The following NELL1 variants were observed in gnomAD, a reference collection of about 807,000 sequenced individuals.
The protein encoded by NELL1 is protein kinase C-binding protein NELL1.
NELL1 carries 76 observed loss-of-function variants against 107.4 expected under a neutral mutation model. That is an observed-to-expected ratio of 0.71 (90% CI 0.59 to 0.86). NELL1 has a LOEUF of 0.86. Ranked by LOEUF, NELL1 falls within the 40% of genes least tolerant of loss-of-function variation. The pLI, the probability that NELL1 is intolerant of heterozygous loss-of-function variation, is 0.00. For missense variants in NELL1, 1,024 were observed against 1,005.5 expected (o/e 1.02, Z -0.25); for synonymous variants, 353 against 341.2 (o/e 1.03, Z -0.38).
intron 15 of NELL1, among the ~76,000 whole-genome samples, chr11:21,504,828 G>T (rs1341589009): frequency 1.3e-5 from 2 of 152,068 alleles, no homozygotes; most frequent in African/African-American, 4.8e-5. Context: ...CTAGATCCTT[G>T]CTGCCACTCT....
chr11:20,830,023 C>T (rs1590332850), intron 3 of NELL1, among the ~76,000 whole-genome samples: 1 of 152,066 alleles, frequency 6.6e-6, no homozygotes, highest in Non-Finnish European at 1.5e-5. Flanking sequence ...CCTGTAATCC[C>T]CCCACCTTGG....
rs1330012386 is a variant in NELL1 at position 21,117,633 on chromosome 11, G to A, written c.1426+3919G>A. On this transcript the variant is annotated intron_variant, in intron 13 of 19. Transcript: ENST00000357134. ...GGATGTTCAGAACATTCTATTGGAT[G>A]TTCTAAATATAAGTGACTTAAGATA... Among the ~76,000 whole-genome samples the A allele has an allele frequency of 2.0e-5, 3 of 151,972 alleles. No homozygotes were observed. In the East Asian group the frequency reaches 5.8e-4, roughly 29 times the overall value.
intron 13 of NELL1, among the ~76,000 whole-genome samples, chr11:21,145,530 T>G (rs1173941854): frequency 6.6e-6 from 1 of 152,206 alleles, no homozygotes; most frequent in African/African-American, 2.4e-5. Flanking sequence ...AGAAAGGAAA[T>G]ACCACAATTA....
intron 12 of NELL1, among the ~76,000 whole-genome samples, chr11:21,021,142 G>C (rs1202991258): frequency 6.6e-6 from 1 of 151,670 alleles, no homozygotes; most frequent in Non-Finnish European, 1.5e-5. Context: ...GCTTGCAACT[G>C]TATTTTTATG....
chr11:20,983,966 A>G (rs1397350249), intron 12 of NELL1, among the ~76,000 whole-genome samples: 1 of 151,960 alleles, frequency 6.6e-6, no homozygotes, highest in Non-Finnish European at 1.5e-5. Context: ...TCCCTCAGTA[A>G]CATATCTTCT....
chr11:21,320,863 T>G (rs1471790086), intron 14 of NELL1, among the ~76,000 whole-genome samples: 1 of 152,224 alleles, frequency 6.6e-6, no homozygotes, highest in Non-Finnish European at 1.5e-5. Context: ...GTGATCAAAG[T>G]CAAATTTCAA....
chr11:21,160,891 T>C (rs1052010100), intron 13 of NELL1, among the ~76,000 whole-genome samples: 3 of 151,988 alleles, frequency 2.0e-5, no homozygotes, highest in Non-Finnish European at 2.9e-5. Flanking sequence ...AAGATATAGG[T>C]CTTTTTAGTC....
intron 14 of NELL1, among the ~76,000 whole-genome samples, chr11:21,272,077 C>T (rs1337468116): frequency 6.6e-6 from 1 of 152,178 alleles, no homozygotes; most frequent in Non-Finnish European, 1.5e-5. Context: ...GTGCAGTGCA[C>T]CGAGCATGAG....
At chr11:21,324,992 A>G (rs1850098015) in intron 14 of NELL1, among the ~76,000 whole-genome samples, 1 of 152,000 alleles carries the variant, frequency 6.6e-6, no homozygotes, top group South Asian at 2.1e-4. Context: ...TTTGTTTTAT[A>G]GCATATTTGT....
intron 2 of NELL1, among the ~76,000 whole-genome samples, chr11:20,687,965 T>C (rs1854350060): frequency 2.6e-5 from 4 of 152,162 alleles, no homozygotes; most frequent in Admixed American, 2.6e-4. Context: ...TAGTCTGTTT[T>C]ATTAATCTCG....
chr11:21,070,714 A>G (rs914188803), intron 12 of NELL1, among the ~76,000 whole-genome samples: 4 of 152,094 alleles, frequency 2.6e-5, no homozygotes, highest in Non-Finnish European at 5.9e-5. Flanking sequence ...TTTGAGTATA[A>G]TGTTTCAATA....
At chr11:21,093,674 T>A (rs1044318607) in intron 12 of NELL1, among the ~76,000 whole-genome samples, 1 of 152,160 alleles carries the variant, frequency 6.6e-6, no homozygotes, top group Non-Finnish European at 1.5e-5. Flanking sequence ...CGGAAGGCAA[T>A]GAGGAGCAAG....
intron 14 of NELL1, among the ~76,000 whole-genome samples, chr11:21,334,880 C>T (rs1206029640): frequency 6.6e-6 from 1 of 151,702 alleles, no homozygotes; most frequent in Non-Finnish European, 1.5e-5. Flanking sequence ...ACTGAGGGAG[C>T]AGAAAGAGGA....
intron 14 of NELL1, among the ~76,000 whole-genome samples, chr11:21,357,933 T>C (rs1414983157): frequency 1.3e-5 from 2 of 152,234 alleles, no homozygotes; most frequent in Non-Finnish European, 2.9e-5. Context: ...TTTGTTTGCT[T>C]TGTAGAAGAT....
intron 15 of NELL1, among the ~76,000 whole-genome samples, chr11:21,383,329 T>A (rs908410101): frequency 2.0e-5 from 3 of 152,012 alleles, no homozygotes; most frequent in Non-Finnish European, 4.4e-5. Flanking sequence ...ACCTTGAAGT[T>A]ATCTATGGGT....
At chr11:21,308,652 A>C (rs943677423) in intron 14 of NELL1, among the ~76,000 whole-genome samples, 4 of 151,968 alleles carry the variant, frequency 2.6e-5, no homozygotes, top group African/African-American at 9.7e-5. Context: ...CCAAAATTCT[A>C]CTTTCATCTT....
At chr11:20,833,708 G>A (rs1858062137) in intron 3 of NELL1, among the ~76,000 whole-genome samples, 1 of 152,208 alleles carries the variant, frequency 6.6e-6, no homozygotes, top group Admixed American at 6.5e-5. Flanking sequence ...GGGAGTGCAA[G>A]TCAATGGACT....
intron 4 of NELL1, among the ~76,000 whole-genome samples, chr11:20,881,634 A>G (rs1349900136): frequency 1.3e-5 from 2 of 152,110 alleles, no homozygotes; most frequent in Non-Finnish European, 2.9e-5. Flanking sequence ...TTTCAGCTCC[A>G]CTTTATTCTT....
At chr11:21,372,288 A>C (rs1851373919) in intron 15 of NELL1, among the ~76,000 whole-genome samples, 1 of 152,062 alleles carries the variant, frequency 6.6e-6, no homozygotes, top group African/African-American at 2.4e-5. Flanking sequence ...TGAAAAAAAA[A>C]ACAAAAACTA....
Sources: allele counts gnomAD v4.1 joint callset (sites outside exome capture counted in the v4.1 genomes callset), GRCh38; gene constraint gnomAD v4.1.1; transcripts MANE v1.5; gene names NCBI Gene and HGNC (gene_info 2026-07-23, HGNC 2026-07-21).